USP8: variants seen among roughly 807,000 people sequenced by gnomAD.
USP8 encodes the protein ubiquitin carboxyl-terminal hydrolase 8.
In USP8, 27 loss-of-function variants were observed where a neutral mutation model predicts 130.0. The observed-to-expected ratio is 0.21, with a 90% CI of 0.15 to 0.29. The LOEUF (loss-of-function observed/expected upper bound fraction) is 0.29, where lower values mean the gene tolerates loss of function less well. Ranked by LOEUF, USP8 falls within the 10% of genes least tolerant of loss-of-function variation. The probability of loss-of-function intolerance (pLI) is 1.00; values close to 1 mark genes in which losing one functional copy is unlikely to be tolerated. For synonymous variants in USP8, 392 were observed against 444.1 expected (o/e 0.88, Z 1.48); for missense variants, 1,029 against 1,312.2 (o/e 0.78, Z 3.33).
At chr15:50,433,606 CTTTA>C (rs959220265) in intron 1 of USP8, among the ~76,000 whole-genome samples, 9 of 152,078 alleles carry the variant, frequency 5.9e-5, no homozygotes, top group Admixed American at 1.3e-4. Flanking sequence ...AACATTTTCT[CTTTA>C]TTTATTTATT....
chr15:50,461,713 C>T (rs1369373783), intron 5 of USP8, among the ~76,000 whole-genome samples: 2 of 151,952 alleles, frequency 1.3e-5, no homozygotes, highest in African/African-American at 2.4e-5. Flanking sequence ...ATTAGCTGGG[C>T]GTGGTAGCAC....
chr15:50,484,532 A>T (rs2141308338), intron 12 of USP8, among the ~76,000 whole-genome samples, 171 bp downstream of exon 12: 1 of 152,310 alleles, frequency 6.6e-6, no homozygotes, highest in African/African-American at 2.4e-5. Flanking sequence ...CAATCCATTT[A>T]TATGCTAAAG....
chr15:50,513,138 G>A lies in USP8; in HGVS notation c.*14050G>A, dbSNP rs2052759539. 1 of 152,186 alleles carries A rather than the reference G, an allele frequency of 6.6e-6. No homozygotes were observed. The highest frequency in any genetic ancestry group is 1.5e-5 in the Non-Finnish European group (1 of 68,028). 9.4% of individuals were successfully genotyped at this position (152,186 alleles called of 1,614,324 possible). On this transcript the variant is annotated 3_prime_UTR_variant, in exon 20 of 20. Transcript: ENST00000307179. Reference sequence around the variant, plus strand: ...AGTCTGATGATCCTGGTAGGGGTATGTATTGGTATAATCACTTGTAGAAAG... The same window carrying A: ...AGTCTGATGATCCTGGTAGGGGTATATATTGGTATAATCACTTGTAGAAAG...
At chr15:50,440,050 A>G (rs1009428875) in intron 2 of USP8, among the ~76,000 whole-genome samples, 11 of 152,164 alleles carry the variant, frequency 7.2e-5, no homozygotes, top group Non-Finnish European at 1.5e-4. Context: ...GTTGCACTCC[A>G]GCCTGGGTGA....
At position 50,501,198 on chromosome 15, in the gene USP8, A is replaced by T. The variant is rs1285954221; in HGVS notation, c.*2110A>T. 4.9e-6 allele frequency: 1 copy of T among 202,790 alleles called. No homozygotes were observed. Among genetic ancestry groups the T allele is most frequent in the African/African-American group, 2.3e-5 (1 of 42,974 alleles). The allele number at this position is 202,790 out of a possible 1,614,324, so 12.6% of individuals were successfully genotyped here. On this transcript the variant is annotated 3_prime_UTR_variant, in exon 20 of 20. Transcript: ENST00000307179. ...ATTCAGGCCGGGCACAGTGGCTCAC[A>T]CCTGTAATCCCAACACTCTGGGAGG...
intron 16 of USP8, 103 bp downstream of exon 16, chr15:50,494,383 C>CTTGT: frequency 1.1e-6 from 1 of 941,974 alleles, no homozygotes; most frequent in Non-Finnish European, 1.6e-6. Context: ...TAGTTCAGTG[C>CTTGT]TTGTTTATTC....
intron 9 of USP8, 106 bp from the exon 10 acceptor site, chr15:50,477,163 ATTGTTTT>A (rs1212483254): frequency 3.0e-6 from 4 of 1,325,314 alleles, no homozygotes; most frequent in Admixed American, 5.6e-5. Context: ...GACTGTTGTA[ATTGTTTT>A]TTCACTTAGT....
rs562497165 is a variant in USP8 at position 50,468,762 on chromosome 15, T to C, written c.687-2871T>C. 4.6e-5 allele frequency among the ~76,000 whole-genome samples: 7 copies of C among 152,288 alleles called. No individual in the cohort carries two copies. In the East Asian group the frequency reaches 1.2e-3, roughly 25 times the overall value. The stretch of plus-strand genomic sequence containing the variant: ...TGTTTCCTTCTTTGTGTTCATAAGT[T>C]CTTACCGTTTAGCTCCCATATTCTT... On this transcript the variant is annotated intron_variant, in intron 7 of 19. Coordinates refer to ENST00000307179, the MANE Select transcript of USP8 (RefSeq NM_005154.5).
intron 7 of USP8, among the ~76,000 whole-genome samples, chr15:50,466,130 T>G (rs2051180070): frequency 6.6e-6 from 1 of 152,200 alleles, no homozygotes; most frequent in Non-Finnish European, 1.5e-5. Context: ...TAAAGGGCTA[T>G]TTTCACTATT....
At chr15:50,464,095 G>A (rs913085787) in intron 6 of USP8, among the ~76,000 whole-genome samples, 9 of 152,006 alleles carry the variant, frequency 5.9e-5, no homozygotes, top group African/African-American at 2.2e-4. Flanking sequence ...TAGGCTTGGG[G>A]AACCTTATGG....
chr15:50,455,197 T>A (rs1175846675), intron 4 of USP8, among the ~76,000 whole-genome samples: 3 of 151,286 alleles, frequency 2.0e-5, no homozygotes, highest in Non-Finnish European at 4.4e-5. Flanking sequence ...CGCCTTCACC[T>A]CCTGAACAAC....
chr15:50,482,077 C>G lies in USP8; in HGVS notation c.1803+12C>G. 1 of 1,473,384 alleles carries G rather than the reference C, an allele frequency of 6.8e-7. No individual in the cohort carries two copies. Among genetic ancestry groups the G allele is most frequent in the Non-Finnish European group, 9.0e-7 (1 of 1,115,552 alleles). The allele number at this position is 1,473,384 out of a possible 1,614,324, so 91.3% of individuals were successfully genotyped here. ...CAGGTTCAGGCAAGGTAAGCAGAAACAGTACAAATTGCCAACGAAGTGAAA... is the reference window on the plus strand; with the variant it reads ...CAGGTTCAGGCAAGGTAAGCAGAAAGAGTACAAATTGCCAACGAAGTGAAA... On this transcript the variant is annotated intron_variant, in intron 11 of 19. Transcript: ENST00000307179.
At chr15:50,438,886 TCTAAACAATTTAAAATTAACCCTGTTAG>T in intron 1 of USP8, 95 bp from the exon 2 acceptor site, 1 of 476,218 alleles carries the variant, frequency 2.1e-6, no homozygotes, top group South Asian at 3.1e-5. Context: ...AAATAGATAT[TCTAAACAATTTAAAATTAACCCTGTTAG>T]CAAAGGATAT....
rs954383319 is a variant in USP8 at position 50,502,902 on chromosome 15, A to G, written c.*3814A>G. ...CTTTCTGAGCTTTAATTTCTCATCT[A>G]TTAACATGGCTTGTTTTGTATAGCT... On this transcript the variant is annotated 3_prime_UTR_variant, in exon 20 of 20. Transcript: ENST00000307179. 2.0e-5 allele frequency: 3 copies of G among 152,234 alleles called. No homozygotes were observed. The highest frequency in any genetic ancestry group is 1.3e-4 in the Admixed American group (2 of 15,282). The allele number at this position is 152,234 out of a possible 1,614,324, so 9.4% of individuals were successfully genotyped here. A position where few individuals can be genotyped will look rare whatever the true frequency, so the allele number is the denominator to read the frequency against.
intron 4 of USP8, among the ~76,000 whole-genome samples, chr15:50,454,842 A>G (rs951240351): frequency 6.6e-6 from 1 of 152,046 alleles, no homozygotes; most frequent in African/African-American, 2.4e-5. Flanking sequence ...GTGCAGTGGC[A>G]TGATCCCAGC....
At chr15:50,430,964 G>A (rs1221795227) in intron 1 of USP8, among the ~76,000 whole-genome samples, 1 of 152,188 alleles carries the variant, frequency 6.6e-6, no homozygotes, top group Non-Finnish European at 1.5e-5. Context: ...TCTAGTAGAG[G>A]TTAGGGATGC....
At position 50,481,680 on chromosome 15, in the gene USP8, T is replaced by C; in HGVS notation, c.1418T>C (p.Met473Thr). ...ATTCATGCAGAAACTGCTCTTCTAA[T>C]GGAAAAAAACAAACAAGAAAAAGAA... is the stretch of plus-strand genomic sequence containing the variant. ...ARIHAETALL[M>T]EKNKQEKELR... Residue 473 changes from methionine (M) to threonine (T), a missense_variant, in exon 11 of 20, where the codon ATG (methionine) becomes ACG (threonine). By Grantham distance (81) the Met-to-Thr change is moderately conservative. Transcript: ENST00000307179. 6.2e-7 allele frequency: 1 copy of C among 1,609,860 alleles called. No individual in the cohort carries two copies. The highest frequency in any genetic ancestry group is 1.1e-5 in the South Asian group (1 of 90,310).
chr15:50,470,220 T>C (rs1313399002), intron 7 of USP8, among the ~76,000 whole-genome samples: 1 of 152,138 alleles, frequency 6.6e-6, no homozygotes, highest in Non-Finnish European at 1.5e-5. Context: ...AACAAAAAAT[T>C]GTCTTTGGAG....
chr15:50,482,636 CT>C (rs1292428892), intron 11 of USP8, among the ~76,000 whole-genome samples: 2 of 152,050 alleles, frequency 1.3e-5, no homozygotes, highest in East Asian at 3.9e-4. Flanking sequence ...TTTTAGGGGA[CT>C]TTTTTTGTTA....
Sources: gnomAD v4.1 joint callset for allele counts (sites outside exome capture counted in the v4.1 genomes callset) on GRCh38, gnomAD v4.1.1 for gene constraint, MANE v1.5 for transcripts, NCBI Gene and HGNC (gene_info 2026-07-23, HGNC 2026-07-21) for gene names.